The following CACNA2D3 variants were observed in gnomAD, a reference collection of about 807,000 sequenced individuals.
CACNA2D3 encodes voltage-dependent calcium channel subunit alpha-2/delta-3.
A neutral mutation model predicts 160.6 loss-of-function variants in CACNA2D3; 60 were observed. The observed-to-expected ratio is 0.37, with a 90% CI of 0.30 to 0.46. The LOEUF is 0.46. CACNA2D3 is among the 20% of genes least tolerant of loss of function. The pLI is 1.00. For missense variants in CACNA2D3, 1,205 were observed against 1,365.0 expected (o/e 0.88, Z 1.85); for synonymous variants, 558 against 492.9 (o/e 1.13, Z -1.75).
intron 27 of CACNA2D3, among the ~76,000 whole-genome samples, chr3:54,913,753 G>T (rs1490886768): frequency 2.0e-5 from 3 of 152,114 alleles, no homozygotes; most frequent in African/African-American, 7.2e-5. Flanking sequence ...CCTGAAAAGT[G>T]CCTGGGTGTT....
chr3:54,123,681 C>T, intron 2 of CACNA2D3, 87 bp downstream of exon 2: 1 of 1,086,198 alleles, frequency 9.2e-7, no homozygotes, highest in East Asian at 2.4e-5. Context: ...ACGTGAGCCC[C>T]GAGCAGCATC....
rs1699588266 is a variant in CACNA2D3 at position 54,406,963 on chromosome 3, A to T, written c.381+20189A>T. 2.0e-5 allele frequency among the ~76,000 whole-genome samples: 3 copies of T among 152,212 alleles called. No individual in the cohort carries two copies. The South Asian group carries it at 6.2e-4, about 32-fold the overall frequency. On this transcript the variant is annotated intron_variant, in intron 4 of 37. Coordinates refer to ENST00000474759, the MANE Select transcript of CACNA2D3 (RefSeq NM_018398.3). Reference sequence around the variant, plus strand: ...TTTATTTTTTAAAAAAGGACAGTGGAACAGCAAACAGCAGAGCAGAGCTAT... The same window carrying T: ...TTTATTTTTTAAAAAAGGACAGTGGTACAGCAAACAGCAGAGCAGAGCTAT...
chr3:55,074,125 G>A lies in CACNA2D3; in HGVS notation c.3195G>A (p.Arg1065=), dbSNP rs553271592. Residue 1065 remains arginine (R), a synonymous_variant, in exon 38 of 38, where the codon AGG becomes AGA. Coordinates refer to ENST00000474759, the MANE Select transcript of CACNA2D3 (RefSeq NM_018398.3). ...CHGFHPEENA[R]ECGGAPSLQA... ...GCCTTTCCCCATAGGAGAATGCAAG[G>A]GAGTGTGGGGGTGCGCCGAGTCTCC... 6.2e-7 allele frequency: 1 copy of A among 1,613,632 alleles called. No homozygotes were observed. Among genetic ancestry groups the A allele is most frequent in the Non-Finnish European group, 8.5e-7 (1 of 1,179,592 alleles).
At chr3:54,263,993 T>C (rs1702453772) in intron 2 of CACNA2D3, among the ~76,000 whole-genome samples, 1 of 152,176 alleles carries the variant, frequency 6.6e-6, no homozygotes, top group African/African-American at 2.4e-5. Flanking sequence ...TGCCATCTTG[T>C]AGTGACAATG....
intron 13 of CACNA2D3, among the ~76,000 whole-genome samples, chr3:54,809,476 G>A (rs1434540931): frequency 2.8e-5 from 4 of 143,190 alleles, no homozygotes; most frequent in South Asian, 2.2e-4. Context: ...CCGCCACCGC[G>A]CCCGGCTAAT....
chr3:54,806,879 G>A (rs1007369671), intron 13 of CACNA2D3, among the ~76,000 whole-genome samples: 5 of 152,158 alleles, frequency 3.3e-5, no homozygotes, highest in African/African-American at 1.2e-4. Context: ...GAACAGAACA[G>A]AGCCCTCAGA....
intron 23 of CACNA2D3, among the ~76,000 whole-genome samples, chr3:54,886,537 TATAG>T (rs147099774): frequency 0.14 from 20,769 of 152,104 alleles, 1,482 homozygotes; most frequent in African/African-American, 0.15. Context: ...AATGAGACAT[TATAG>T]ATAAAGTTGA....
At chr3:54,525,017 A>G (rs1161615719) in intron 5 of CACNA2D3, among the ~76,000 whole-genome samples, 1 of 152,114 alleles carries the variant, frequency 6.6e-6, no homozygotes, top group African/African-American at 2.4e-5. Context: ...TTAGCATAGC[A>G]TATATTCATA....
chr3:54,931,060 T>C (rs1212040472), intron 27 of CACNA2D3, among the ~76,000 whole-genome samples: 1 of 152,114 alleles, frequency 6.6e-6, no homozygotes, highest in Non-Finnish European at 1.5e-5. Context: ...CGTGCCACTG[T>C]ACTCCAGCCT....
chr3:54,689,970 T>C (rs1035752264), intron 11 of CACNA2D3, among the ~76,000 whole-genome samples: 1 of 152,148 alleles, frequency 6.6e-6, no homozygotes, highest in African/African-American at 2.4e-5. Flanking sequence ...CTTTCATTCA[T>C]GTGTCTCCAG....
At chr3:54,746,550 A>G (rs1701756789) in intron 11 of CACNA2D3, among the ~76,000 whole-genome samples, 1 of 152,212 alleles carries the variant, frequency 6.6e-6, no homozygotes, top group Admixed American at 6.5e-5. Context: ...GCTGCCACTT[A>G]GCTAAATTAA....
chr3:54,322,061 A>G (rs79219482), intron 3 of CACNA2D3, among the ~76,000 whole-genome samples: 2,171 of 152,336 alleles, frequency 0.014, 52 homozygotes, highest in African/African-American at 0.05. Flanking sequence ...TGCTTCTACA[A>G]TTGACAAAGT....
At chr3:54,941,247 T>A (rs1015779932) in intron 27 of CACNA2D3, among the ~76,000 whole-genome samples, 1 of 152,204 alleles carries the variant, frequency 6.6e-6, no homozygotes, top group Non-Finnish European at 1.5e-5. Flanking sequence ...AACAGGGGCA[T>A]ATAGTGTTTC....
chr3:54,359,555 T>A (rs1163209297), intron 3 of CACNA2D3, among the ~76,000 whole-genome samples: 1 of 152,192 alleles, frequency 6.6e-6, no homozygotes, highest in African/African-American at 2.4e-5. Context: ...ATGTCTCATA[T>A]GGGAGTTCTC....
chr3:54,131,309 C>T (rs1257793309), intron 2 of CACNA2D3, among the ~76,000 whole-genome samples: 1 of 152,174 alleles, frequency 6.6e-6, no homozygotes, highest in Non-Finnish European at 1.5e-5. Context: ...AAGATATGCA[C>T]CCTTCCCCTA....
chr3:55,074,322 CA>C lies in CACNA2D3; in HGVS notation c.*117del. 1.2e-6 allele frequency: 1 copy of C among 802,850 alleles called. No homozygotes were observed. The highest frequency in any genetic ancestry group is 2.2e-6 in the Non-Finnish European group (1 of 459,584). 49.7% of individuals were successfully genotyped at this position (802,850 alleles called of 1,614,324 possible). A position where few individuals can be genotyped will look rare whatever the true frequency, so the allele number is the denominator to read the frequency against. On this transcript the variant is annotated 3_prime_UTR_variant, in exon 38 of 38. Transcript: ENST00000474759. The stretch of plus-strand genomic sequence containing the variant: ...CGAGACATGAATATAGTCCAACCAT[CA>C]GCATCTCATCATGATTTTAAACTGT...
chr3:54,369,932 G>T (rs985199152), intron 3 of CACNA2D3, among the ~76,000 whole-genome samples: 2 of 152,190 alleles, frequency 1.3e-5, no homozygotes, highest in African/African-American at 4.8e-5. Context: ...GCTCCCTTCA[G>T]TGTGTGGCCG....
intron 4 of CACNA2D3, among the ~76,000 whole-genome samples, chr3:54,420,800 G>C (rs543669820): frequency 2.6e-5 from 4 of 152,206 alleles, no homozygotes; most frequent in Non-Finnish European, 5.9e-5. Flanking sequence ...AAAATTAGCT[G>C]AGTTTGTTGT....
chr3:54,453,104 A>G (rs560811998), intron 4 of CACNA2D3, among the ~76,000 whole-genome samples: 2 of 151,402 alleles, frequency 1.3e-5, no homozygotes, highest in South Asian at 2.1e-4. Flanking sequence ...CAGTCTCCCT[A>G]CCTCAGCTTC....
Sources: gnomAD v4.1 joint callset for allele counts (sites outside exome capture counted in the v4.1 genomes callset) on GRCh38, gnomAD v4.1.1 for gene constraint, MANE v1.5 for transcripts, NCBI Gene and HGNC (gene_info 2026-07-23, HGNC 2026-07-21) for gene names.